Variants in PLCB1 observed in about 807,000 individuals in gnomAD.
PLCB1 encodes 1-phosphatidylinositol 4,5-bisphosphate phosphodiesterase beta-1.
A neutral mutation model predicts 161.8 loss-of-function variants in PLCB1; 46 were observed. That is an observed-to-expected ratio of 0.28 (90% CI 0.22 to 0.36). The LOEUF is 0.36. Among genes scored for constraint, PLCB1 ranks in the 10% least tolerant of loss-of-function variants. The probability of loss-of-function intolerance (pLI) is 1.00; values close to 1 mark genes in which losing one functional copy is unlikely to be tolerated. For synonymous variants in PLCB1, 517 were observed against 503.7 expected, an observed-to-expected ratio of 1.03 and a Z score of -0.35; for missense variants, 1,016 against 1,472.5, an observed-to-expected ratio of 0.69 and a Z score of 5.07.
intron 31 of PLCB1, among the ~76,000 whole-genome samples, chr20:8,809,883 G>GC (rs1188171151): frequency 1.3e-5 from 2 of 151,932 alleles, no homozygotes; most frequent in African/African-American, 4.8e-5. Context: ...CATTTTTCTA[G>GC]CCCCCTCAGC....
chr20:8,263,426 T>C (rs146114057), intron 2 of PLCB1, among the ~76,000 whole-genome samples: 23 of 152,314 alleles, frequency 1.5e-4, no homozygotes, highest in African/African-American at 5.1e-4. Flanking sequence ...TCCTCAAATA[T>C]GACATCAGTT....
chr20:8,461,950 T>G (rs1981596933), intron 3 of PLCB1, among the ~76,000 whole-genome samples: 1 of 152,160 alleles, frequency 6.6e-6, no homozygotes, highest in African/African-American at 2.4e-5. Flanking sequence ...TAATTTCCCC[T>G]TGTTTAAAGT....
chr20:8,740,232 G>T (rs1980801012), intron 21 of PLCB1, 112 bp from the exon 22 acceptor site: 1 of 623,596 alleles, frequency 1.6e-6, no homozygotes, highest in Non-Finnish European at 2.8e-6. Flanking sequence ...AAAGTGATTT[G>T]TTTTTCATCT....
intron 2 of PLCB1, among the ~76,000 whole-genome samples, chr20:8,339,938 G>C (rs1667006469): frequency 6.6e-6 from 1 of 152,036 alleles, no homozygotes; most frequent in South Asian, 2.1e-4. Flanking sequence ...CTTCAGCCTG[G>C]GCAACAAAGT....
rs1262156678 is a variant in PLCB1 at position 8,139,683 on chromosome 20, AAGCT to A, written c.99+6934_99+6937del. Among the ~76,000 whole-genome samples, 4 of 152,342 alleles carry A rather than the reference AAGCT, an allele frequency of 2.6e-5. No homozygotes were observed. The South Asian group carries it at 8.3e-4, about 32-fold the overall frequency. ...ATAGAAGAAGCCATACAAGCTCATG[AAGCT>A]GGAAAACCATAGAGCGAATCAGCAA... On this transcript the variant is annotated intron_variant, in intron 1 of 31. Coordinates refer to ENST00000338037, the MANE Select transcript of PLCB1 (RefSeq NM_015192.4).
intron 2 of PLCB1, among the ~76,000 whole-genome samples, chr20:8,274,481 GT>G (rs201176599): frequency 1.4e-5 from 2 of 147,680 alleles, no homozygotes; most frequent in Non-Finnish European, 3.0e-5. Flanking sequence ...TACTTGTGTC[GT>G]TTTTTTTTTA....
intron 31 of PLCB1, among the ~76,000 whole-genome samples, chr20:8,851,178 T>C (rs150795021): frequency 4.6e-3 from 706 of 152,272 alleles, no homozygotes; most frequent in Non-Finnish European, 7.8e-3. Flanking sequence ...AGGAGTGGAA[T>C]CCCCGATTAG....
At chr20:8,751,802 A>G (rs1356177274) in intron 23 of PLCB1, 2 of 152,112 alleles carry the variant, frequency 1.3e-5, no homozygotes, top group African/African-American at 4.8e-5. Context: ...CTTTGAATCA[A>G]ATTAAGAAAC....
intron 2 of PLCB1, among the ~76,000 whole-genome samples, chr20:8,249,234 C>T (rs902119339): frequency 6.6e-6 from 1 of 151,878 alleles, no homozygotes; most frequent in African/African-American, 2.4e-5. Flanking sequence ...ATTTCCAAAA[C>T]GCTGTTAGTG....
chr20:8,396,403 G>A (rs1035271440), intron 3 of PLCB1, among the ~76,000 whole-genome samples: 3 of 152,038 alleles, frequency 2.0e-5, no homozygotes, highest in African/African-American at 7.2e-5. Flanking sequence ...AAAATTTCAT[G>A]CACTATTAAT....
chr20:8,817,405 C>A (rs978400566), intron 31 of PLCB1, among the ~76,000 whole-genome samples: 1 of 152,052 alleles, frequency 6.6e-6, no homozygotes, highest in African/African-American at 2.4e-5. Flanking sequence ...CCTGAGAATT[C>A]ATGATTGCAA....
At chr20:8,863,079 T>C (rs1019463661) in intron 31 of PLCB1, among the ~76,000 whole-genome samples, 1 of 152,196 alleles carries the variant, frequency 6.6e-6, no homozygotes, top group African/African-American at 2.4e-5. Flanking sequence ...ATACACCAAC[T>C]GAGCAGGCAG....
intron 31 of PLCB1, among the ~76,000 whole-genome samples, chr20:8,855,223 C>G (rs1011397882): frequency 2.0e-5 from 3 of 151,526 alleles, no homozygotes; most frequent in Non-Finnish European, 2.9e-5. Context: ...CTTCCCCCCC[C>G]ACTCACTCCC....
intron 3 of PLCB1, among the ~76,000 whole-genome samples, chr20:8,511,406 C>A (rs1375265282): frequency 6.6e-6 from 1 of 152,076 alleles, no homozygotes; most frequent in Admixed American, 6.5e-5. Flanking sequence ...TAAAACATTT[C>A]TTCATCCATT....
intron 3 of PLCB1, among the ~76,000 whole-genome samples, chr20:8,627,826 A>G (rs949029269): frequency 1.3e-5 from 2 of 152,244 alleles, no homozygotes; most frequent in Non-Finnish European, 2.9e-5. Context: ...TCTTTGCATC[A>G]GTACTGACTG....
rs758902144 is a variant in PLCB1, at chr20:8,881,827, A to C, written c.3629A>C (p.Lys1210Thr). The part of the protein sequence containing the change: ...SEELGGDIPG[K>T]EFDTPL ...GAGCTGGGAGGAGACATCCCAGGAA[A>C]AGAATTTGATACTCCTCTGTGAATG... is the stretch of plus-strand genomic sequence containing the variant. Residue 1210 changes from lysine (K) to threonine (T), a missense_variant, in exon 32 of 32, where the codon AAA (lysine) becomes ACA (threonine). By Grantham distance (78) the Lys-to-Thr change is moderately conservative. This residue lies in a region of PLCB1 where 398 missense variants were observed against 445.4 expected (regional missense o/e 0.89). Coordinates refer to ENST00000338037, the MANE Select transcript of PLCB1 (RefSeq NM_015192.4). 1.2e-6 allele frequency: 2 copies of C among 1,613,456 alleles called. No homozygotes were observed. Among genetic ancestry groups the C allele is most frequent in the South Asian group, 2.2e-5 (2 of 91,076 alleles).
intron 2 of PLCB1, among the ~76,000 whole-genome samples, chr20:8,361,914 A>G (rs1053883735): frequency 1.3e-5 from 2 of 152,224 alleles, no homozygotes; most frequent in African/African-American, 2.4e-5. Context: ...CAAAATATTC[A>G]GGAAGATAGT....
intron 2 of PLCB1, among the ~76,000 whole-genome samples, chr20:8,264,432 A>T (rs991767987): frequency 6.6e-6 from 1 of 152,206 alleles, no homozygotes; most frequent in Admixed American, 6.6e-5. Context: ...AATGTATAGT[A>T]TAGTATAGTA....
intron 31 of PLCB1, among the ~76,000 whole-genome samples, chr20:8,871,745 AAATT>A (rs1200141846): frequency 3.3e-5 from 5 of 152,214 alleles, no homozygotes; most frequent in Admixed American, 2.6e-4. Flanking sequence ...ATAATGACTC[AAATT>A]AACTGGAAAG....
Sources: gnomAD v4.1 joint callset for allele counts (sites outside exome capture counted in the v4.1 genomes callset) on GRCh38, gnomAD v4.1.1 for gene constraint, gnomAD v4.1.1 regional missense constraint, MANE v1.5 for transcripts, NCBI Gene and HGNC (gene_info 2026-07-23, HGNC 2026-07-21) for gene names.